LAMA2: variants seen among roughly 807,000 people sequenced by gnomAD.
The protein encoded by LAMA2 is laminin subunit alpha-2.
A neutral mutation model predicts 364.8 loss-of-function variants in LAMA2; 269 were observed. The ratio of observed to expected loss-of-function variants is 0.74; its 90% CI spans 0.67 to 0.82. The LOEUF (loss-of-function observed/expected upper bound fraction) is 0.82, where lower values mean the gene tolerates loss of function less well. Ranked by LOEUF, LAMA2 falls within the 40% of genes least tolerant of loss-of-function variation. The probability of loss-of-function intolerance (pLI) is 0.00; values close to 1 mark genes in which losing one functional copy is unlikely to be tolerated. For missense variants in LAMA2, 3,807 were observed against 3,873.2 expected (o/e 0.98, Z 0.45); for synonymous variants, 1,379 against 1,370.6 (o/e 1.01, Z -0.14).
intron 3 of LAMA2, among the ~76,000 whole-genome samples, chr6:129,096,746 A>G (rs1369502296): frequency 1.3e-5 from 2 of 152,160 alleles, no homozygotes; most frequent in South Asian, 2.1e-4. Flanking sequence ...TTTATCCACT[A>G]GTTGTTCCAC....
chr6:129,273,011 G>C (rs1022204809), intron 17 of LAMA2, among the ~76,000 whole-genome samples: 13 of 152,136 alleles, frequency 8.5e-5, no homozygotes, highest in African/African-American at 3.1e-4. Flanking sequence ...ACATTTCCAG[G>C]GCCTAAGGCA....
At chr6:128,910,256 C>T (rs1415464157) in intron 1 of LAMA2, among the ~76,000 whole-genome samples, 1 of 152,204 alleles carries the variant, frequency 6.6e-6, no homozygotes, top group Non-Finnish European at 1.5e-5. Context: ...TCATTCTCCC[C>T]GTCACTTTCA....
At chr6:129,294,410 G>A (rs75706344) in intron 20 of LAMA2, among the ~76,000 whole-genome samples, 11,618 of 152,158 alleles carry the variant, frequency 0.076, 643 homozygotes, top group East Asian at 0.31. Context: ...CAAGATCCAG[G>A]TGCTGGCAGA....
intron 8 of LAMA2, among the ~76,000 whole-genome samples, chr6:129,164,627 C>T (rs1242909263): frequency 1.3e-5 from 2 of 152,180 alleles, no homozygotes; most frequent in East Asian, 1.9e-4. Flanking sequence ...AGGTATTCAT[C>T]AAACATTTCT....
At chr6:128,954,888 T>C (rs941074588) in intron 1 of LAMA2, among the ~76,000 whole-genome samples, 3 of 151,886 alleles carry the variant, frequency 2.0e-5, no homozygotes, top group African/African-American at 7.2e-5. Flanking sequence ...CCCATATATA[T>C]GTAAATTTCA....
intron 2 of LAMA2, among the ~76,000 whole-genome samples, chr6:129,057,078 T>C (rs940019249): frequency 2.0e-5 from 3 of 152,240 alleles, no homozygotes; most frequent in African/African-American, 7.2e-5. Context: ...ATGATTTTAC[T>C]TTCTATCAGA....
At chr6:129,139,518 C>A (rs1777992308) in intron 4 of LAMA2, among the ~76,000 whole-genome samples, 1 of 152,034 alleles carries the variant, frequency 6.6e-6, no homozygotes, top group Non-Finnish European at 1.5e-5. Context: ...AGGTTATATG[C>A]ACATACTATG....
At chr6:128,912,555 A>C (rs1778038536) in intron 1 of LAMA2, among the ~76,000 whole-genome samples, 1 of 152,204 alleles carries the variant, frequency 6.6e-6, no homozygotes, top group Non-Finnish European at 1.5e-5. Flanking sequence ...ATTATGGGTA[A>C]GGCAGTGATA....
At chr6:129,037,196 A>G (rs1357696694) in intron 1 of LAMA2, among the ~76,000 whole-genome samples, 3 of 152,212 alleles carry the variant, frequency 2.0e-5, no homozygotes, top group Non-Finnish European at 4.4e-5. Flanking sequence ...AGAAGCTGAA[A>G]TGGAAAGTTA....
intron 7 of LAMA2, among the ~76,000 whole-genome samples, chr6:129,149,381 A>T (rs931706950): frequency 6.6e-6 from 1 of 152,302 alleles, no homozygotes; most frequent in East Asian, 1.9e-4. Flanking sequence ...GAAAAGACCT[A>T]AAAATAGTCT....
intron 17 of LAMA2, 151 bp downstream of exon 17, chr6:129,270,902 A>C (rs967490098): frequency 1.2e-6 from 1 of 856,110 alleles, no homozygotes; most frequent in African/African-American, 1.7e-5. Context: ...ATTTTTTCAA[A>C]CCTAAGATAT....
intron 22 of LAMA2, among the ~76,000 whole-genome samples, chr6:129,309,410 T>C (rs1774072618): frequency 6.6e-6 from 1 of 152,258 alleles, no homozygotes; most frequent in South Asian, 2.1e-4. Flanking sequence ...GGTCCCAATG[T>C]CTATTTGTAC....
At chr6:129,116,962 C>G (rs2114911376) in intron 4 of LAMA2, among the ~76,000 whole-genome samples, 1 of 152,054 alleles carries the variant, frequency 6.6e-6, no homozygotes, top group African/African-American at 2.4e-5. Context: ...CAAAACACAA[C>G]TTTAAAATGA....
chr6:128,905,802 A>C (rs1343352343), intron 1 of LAMA2, among the ~76,000 whole-genome samples: 3 of 149,370 alleles, frequency 2.0e-5, no homozygotes, highest in African/African-American at 7.4e-5. Context: ...ACCCCACAAC[A>C]GTCCCCAGAG....
intron 4 of LAMA2, among the ~76,000 whole-genome samples, chr6:129,113,347 G>T (rs1206774769): frequency 6.6e-6 from 1 of 151,978 alleles, no homozygotes; most frequent in Non-Finnish European, 1.5e-5. Flanking sequence ...AATCAATCCA[G>T]TTGGCAGGAG....
intron 16 of LAMA2, among the ~76,000 whole-genome samples, chr6:129,268,704 T>C (rs1190241405): frequency 6.6e-6 from 1 of 152,070 alleles, no homozygotes; most frequent in Non-Finnish European, 1.5e-5. Context: ...TTTTGTTTCA[T>C]GAACAGGGAG....
chr6:129,466,154 T>C (rs1041808092), intron 51 of LAMA2, among the ~76,000 whole-genome samples: 12 of 151,950 alleles, frequency 7.9e-5, no homozygotes, highest in Non-Finnish European at 4.4e-5. Flanking sequence ...CTAAGTACCA[T>C]GTAAGAACTA....
At chr6:129,082,739 C>T (rs1774141057) in intron 3 of LAMA2, among the ~76,000 whole-genome samples, 1 of 151,970 alleles carries the variant, frequency 6.6e-6, no homozygotes, top group African/African-American at 2.4e-5. Context: ...CTTCTAATTC[C>T]AACTTTATTC....
At chr6:129,308,112 CAT>C in intron 22 of LAMA2, among the ~76,000 whole-genome samples, 1 of 152,194 alleles carries the variant, frequency 6.6e-6, no homozygotes, top group East Asian at 1.9e-4. Flanking sequence ...TTCAATTAGA[CAT>C]GTGATTAGAA....
Sources: allele counts gnomAD v4.1 joint callset (sites outside exome capture counted in the v4.1 genomes callset), GRCh38; gene constraint gnomAD v4.1.1; transcripts MANE v1.5; gene names NCBI Gene and HGNC (gene_info 2026-07-23, HGNC 2026-07-21).